IMPG1: variants seen among roughly 807,000 people sequenced by gnomAD.
IMPG1 encodes the protein interphotoreceptor matrix proteoglycan 1.
A neutral mutation model predicts 92.0 loss-of-function variants in IMPG1; 85 were observed. The ratio of observed to expected loss-of-function variants is 0.92; its 90% CI spans 0.78 to 1.11. The LOEUF (loss-of-function observed/expected upper bound fraction) is 1.11. IMPG1 is among the 50% of genes least tolerant of loss of function. The probability of loss-of-function intolerance (pLI) is 0.00; values close to 1 mark genes in which losing one functional copy is unlikely to be tolerated. For synonymous variants in IMPG1, 367 were observed against 334.1 expected (o/e 1.10, Z -1.08); for missense variants, 1,022 against 956.0 (o/e 1.07, Z -0.91).
At chr6:76,002,773 T>G (rs1783017949) in intron 12 of IMPG1, 145 bp downstream of exon 12, 1 of 650,958 alleles carries the variant, frequency 1.5e-6, no homozygotes, top group South Asian at 1.8e-5. Context: ...TTCAATGGAC[T>G]GCTTTTCTGT....
At chr6:76,014,901 G>A (rs942320519) in intron 7 of IMPG1, among the ~76,000 whole-genome samples, 1 of 152,148 alleles carries the variant, frequency 6.6e-6, no homozygotes, top group East Asian at 1.9e-4. Flanking sequence ...GCTTTGTTTA[G>A]GAGTGTGAGG....
intron 12 of IMPG1, among the ~76,000 whole-genome samples, chr6:75,980,264 C>T (rs1017694424): frequency 1.3e-5 from 2 of 152,090 alleles, no homozygotes; most frequent in Admixed American, 1.3e-4. Flanking sequence ...CTTTATGAAA[C>T]ATTTTTCTGA....
At chr6:75,988,952 C>T (rs1782768728) in intron 12 of IMPG1, among the ~76,000 whole-genome samples, 2 of 152,156 alleles carry the variant, frequency 1.3e-5, no homozygotes, top group Admixed American at 1.3e-4. Context: ...CCCTTCACAT[C>T]CAATGATTGA....
At chr6:75,926,614 A>C (rs1781557470) in intron 15 of IMPG1, among the ~76,000 whole-genome samples, 1 of 152,212 alleles carries the variant, frequency 6.6e-6, no homozygotes, top group Admixed American at 6.5e-5. Context: ...GACAAAAGTG[A>C]GAATGTTAAG....
intron 2 of IMPG1, among the ~76,000 whole-genome samples, chr6:76,039,943 G>A (rs1311609514): frequency 6.6e-6 from 1 of 152,220 alleles, no homozygotes; most frequent in African/African-American, 2.4e-5. Flanking sequence ...TTGGGAATAT[G>A]AGTGCTTTCT....
chr6:76,007,403 T>C, intron 9 of IMPG1, 77 bp downstream of exon 9: 2 of 1,097,558 alleles, frequency 1.8e-6, no homozygotes, highest in South Asian at 1.4e-5. Flanking sequence ...TATGTAAAAA[T>C]TATTTGTGCA....
intron 15 of IMPG1, among the ~76,000 whole-genome samples, chr6:75,924,667 A>ATATAT (rs376659354): frequency 1.2e-4 from 1 of 8,008 alleles, no homozygotes; most frequent in Non-Finnish European, 2.2e-4. Flanking sequence ...AATATATAAT[A>ATATAT]AATTATATAT....
At chr6:75,933,094 C>T in intron 14 of IMPG1, among the ~76,000 whole-genome samples, 1 of 152,182 alleles carries the variant, frequency 6.6e-6, no homozygotes, top group Non-Finnish European at 1.5e-5. Context: ...CAATAATAAT[C>T]TATATGCTAT....
intron 4 of IMPG1, among the ~76,000 whole-genome samples, chr6:76,031,479 A>T (rs1337784710): frequency 6.6e-6 from 1 of 152,238 alleles, no homozygotes; most frequent in Non-Finnish European, 1.5e-5. Flanking sequence ...ATCAGAACAG[A>T]TGTTAGTTGT....
intron 1 of IMPG1, among the ~76,000 whole-genome samples, chr6:76,063,348 C>T (rs1391335824): frequency 6.6e-6 from 1 of 152,014 alleles, no homozygotes; most frequent in East Asian, 1.9e-4. Flanking sequence ...GGAGAACTCA[C>T]CAGAAGAAAC....
intron 1 of IMPG1, among the ~76,000 whole-genome samples, chr6:76,044,044 G>A (rs1783891033): frequency 6.6e-6 from 1 of 152,226 alleles, no homozygotes; most frequent in African/African-American, 2.4e-5. Flanking sequence ...GCAGGGAACT[G>A]GGATTACTTG....
Position 76,072,405 on chromosome 6 carries a change from A to G in IMPG1, c.67+17T>C. 2 of 1,378,928 alleles carry G rather than the reference A, an allele frequency of 1.5e-6. No homozygotes were observed. The highest frequency in any genetic ancestry group is 2.0e-6 in the Non-Finnish European group (2 of 978,900). 85.4% of individuals were successfully genotyped at this position (1,378,928 alleles called of 1,614,324 possible). A position where few individuals can be genotyped will look rare whatever the true frequency, so the allele number is the denominator to read the frequency against. ...TTATAGATAAGCAATTTAAAAGTAA[A>G]CATTTAAGTAACTTACCTTTGGTTC... On this transcript the variant is annotated intron_variant, in intron 1 of 16. Transcript: ENST00000369950.
intron 12 of IMPG1, among the ~76,000 whole-genome samples, chr6:75,994,998 T>C (rs996551347): frequency 3.9e-5 from 6 of 152,210 alleles, no homozygotes; most frequent in African/African-American, 1.4e-4. Flanking sequence ...CTAAAACCAG[T>C]TCACTGACCT....
At chr6:76,023,040 C>T (rs760425151) in intron 5 of IMPG1, among the ~76,000 whole-genome samples, 87 of 152,256 alleles carry the variant, frequency 5.7e-4, no homozygotes, top group East Asian at 1.9e-3. Flanking sequence ...TGGGAATCTG[C>T]GGTCACAAGT....
At chr6:76,064,601 C>T (rs550863619) in intron 1 of IMPG1, among the ~76,000 whole-genome samples, 40 of 152,182 alleles carry the variant, frequency 2.6e-4, no homozygotes, top group African/African-American at 9.6e-4. Context: ...CTTGTTTGTG[C>T]CTGCCATTGG....
chr6:75,942,621 A>G (rs971964666), intron 14 of IMPG1, among the ~76,000 whole-genome samples: 2 of 152,160 alleles, frequency 1.3e-5, no homozygotes, highest in African/African-American at 2.4e-5. Context: ...TGCTGGTTGC[A>G]CTGGTTGGTT....
At chr6:75,957,842 G>C (rs957275878) in intron 12 of IMPG1, among the ~76,000 whole-genome samples, 2 of 152,122 alleles carry the variant, frequency 1.3e-5, no homozygotes, top group African/African-American at 2.4e-5. Context: ...ACACCAATGG[G>C]TCTTGAATCT....
intron 12 of IMPG1, among the ~76,000 whole-genome samples, chr6:75,954,921 G>C (rs908694574): frequency 6.6e-5 from 10 of 152,156 alleles, no homozygotes; most frequent in African/African-American, 1.7e-4. Flanking sequence ...TCAGATGATT[G>C]TAGATGTGTG....
chr6:75,944,352 C>A (rs1467277548), intron 14 of IMPG1, among the ~76,000 whole-genome samples: 1 of 152,192 alleles, frequency 6.6e-6, no homozygotes, highest in Non-Finnish European at 1.5e-5. Context: ...TAATTAGGAA[C>A]CATGCTGGAT....
Sources: allele counts gnomAD v4.1 joint callset (sites outside exome capture counted in the v4.1 genomes callset), GRCh38; gene constraint gnomAD v4.1.1; transcripts MANE v1.5; gene names NCBI Gene and HGNC (gene_info 2026-07-23, HGNC 2026-07-21).